PARN: variants seen among roughly 807,000 people sequenced by gnomAD.
The protein encoded by PARN is poly(A)-specific ribonuclease.
Under a neutral mutation model 102.8 loss-of-function variants are expected in PARN, and 71 were observed. The ratio of observed to expected loss-of-function variants is 0.69; its 90% CI spans 0.57 to 0.84. The LOEUF is 0.84. PARN is among the 40% of genes least tolerant of loss of function. The pLI is 0.00. For missense variants in PARN, 782 were observed against 760.9 expected, an observed-to-expected ratio of 1.03 and a Z score of -0.33; for synonymous variants, 261 against 252.9, an observed-to-expected ratio of 1.03 and a Z score of -0.30.
rs1185388930 is a variant in PARN, at chr16:14,482,811, T to G, written c.1497A>C (p.Lys499Asn). ...EQVKIAVNTSKYAESYRIQTY... is the reference protein window; with the variant it reads ...EQVKIAVNTSNYAESYRIQTY... The stretch of plus-strand genomic sequence containing the variant: ...TTTGGATCCGATAGCTTTCTGCATA[T>G]TTGCTGGTATTGACAGCTACAAGGA... The change falls in exon 22 of 24, where the codon AAA (lysine) becomes AAC (asparagine). Residue 499 changes from lysine (K) to asparagine (N), a missense_variant. Physicochemically the swap from Lys to Asn is moderately conservative, Grantham distance 94 (BLOSUM62 0). Transcript: ENST00000437198. 1.2e-5 allele frequency: 20 copies of G among 1,610,402 alleles called. No individual in the cohort carries two copies. Among genetic ancestry groups the G allele is most frequent in the Non-Finnish European group, 1.7e-5 (20 of 1,178,872 alleles).
At chr16:14,540,701 G>A (rs1315836788) in intron 21 of PARN, among the ~76,000 whole-genome samples, 1 of 152,164 alleles carries the variant, frequency 6.6e-6, no homozygotes, top group Non-Finnish European at 1.5e-5. Flanking sequence ...GCTGAGGCAG[G>A]CAGATTGCTG....
intron 23 of PARN, 90 bp from the exon 24 acceptor site, chr16:14,436,862 C>T: frequency 2.1e-6 from 2 of 933,260 alleles, no homozygotes; most frequent in Non-Finnish European, 3.4e-6. Context: ...GACAGAGGGC[C>T]TGTGACGGCT....
At chr16:14,519,254 G>A (rs1965612982) in intron 21 of PARN, among the ~76,000 whole-genome samples, 1 of 143,994 alleles carries the variant, frequency 6.9e-6, no homozygotes, top group Non-Finnish European at 1.5e-5. Context: ...AAAGAAAAGA[G>A]AGGGGCATGG....
chr16:14,553,111 T>TA (rs987499660), intron 20 of PARN, among the ~76,000 whole-genome samples: 3 of 148,586 alleles, frequency 2.0e-5, no homozygotes, highest in South Asian at 2.1e-4. Flanking sequence ...AATATCAATT[T>TA]AAAAAAAAAG....
Position 14,436,187 on chromosome 16 carries a change from A to C in PARN, c.*530T>G, listed in dbSNP as rs1451271404. 1 of 154,450 alleles carries C rather than the reference A, an allele frequency of 6.5e-6. No homozygotes were observed. The highest frequency in any genetic ancestry group is 1.4e-5 in the Non-Finnish European group (1 of 69,410). 9.6% of individuals were successfully genotyped at this position (154,450 alleles called of 1,614,324 possible). A position where few individuals can be genotyped will look rare whatever the true frequency, so the allele number is the denominator to read the frequency against. The stretch of plus-strand genomic sequence containing the variant: ...GTGGACATCTTCCTGAAGGAAGGAC[A>C]AGCTTGAGAGCGTCATGTTTTCAGG... On this transcript the variant is annotated 3_prime_UTR_variant, in exon 24 of 24. Coordinates refer to ENST00000437198, the MANE Select transcript of PARN (RefSeq NM_002582.4).
intron 23 of PARN, among the ~76,000 whole-genome samples, chr16:14,444,132 T>G (rs1349595113): frequency 1.3e-5 from 2 of 152,144 alleles, no homozygotes; most frequent in Non-Finnish European, 2.9e-5. Flanking sequence ...TATCCTGACC[T>G]ATATCCTGCT....
At chr16:14,546,921 C>A (rs1398331502) in intron 21 of PARN, among the ~76,000 whole-genome samples, 1 of 151,832 alleles carries the variant, frequency 6.6e-6, no homozygotes, top group East Asian at 1.9e-4. Flanking sequence ...GGTGAACCCT[C>A]GTCTCTACTA....
At chr16:14,441,221 TG>T (rs1431333640) in intron 23 of PARN, among the ~76,000 whole-genome samples, 3 of 152,304 alleles carry the variant, frequency 2.0e-5, no homozygotes, top group African/African-American at 7.2e-5. Flanking sequence ...AGTTGGGGGC[TG>T]GGGGCTTAAT....
At chr16:14,448,070 C>T (rs1053783036) in intron 22 of PARN, among the ~76,000 whole-genome samples, 4 of 152,136 alleles carry the variant, frequency 2.6e-5, no homozygotes, top group East Asian at 1.9e-4. Flanking sequence ...CTGTAGCCTC[C>T]GCCTCCCGGA....
intron 6 of PARN, among the ~76,000 whole-genome samples, chr16:14,613,345 G>T (rs1037216982): frequency 2.0e-5 from 3 of 150,514 alleles, no homozygotes; most frequent in Non-Finnish European, 4.4e-5. Flanking sequence ...ATGGGAGGCC[G>T]GGCGCCTGGC....
In PARN at chr16:14,552,021, C is replaced by T; in HGVS notation, c.1480G>A (p.Ala494Thr). 6.2e-7 allele frequency: 1 copy of T among 1,605,858 alleles called. No homozygotes were observed. ...CAAAACAGAAATCCAAAACACTTAC[C>T]AATCTTTACTTGCTCGGGCTGGCTA... ...SLSQPEQVKI[A>T]VNTSKYAESY... is the part of the protein sequence containing the mutation. Residue 494 changes from alanine (A) to threonine (T), a missense_variant and splice_region_variant, in exon 21 of 24, where the codon GCT becomes ACT. Ala to Thr is a moderately conservative substitution (Grantham distance 58, BLOSUM62 0). Coordinates refer to ENST00000437198, the MANE Select transcript of PARN (RefSeq NM_002582.4).
At chr16:14,553,662 A>C (rs1967471144) in intron 20 of PARN, among the ~76,000 whole-genome samples, 1 of 152,222 alleles carries the variant, frequency 6.6e-6, no homozygotes, top group Non-Finnish European at 1.5e-5. Flanking sequence ...TACACGTATC[A>C]CAAATCCTGA....
intron 12 of PARN, among the ~76,000 whole-genome samples, chr16:14,599,698 C>G (rs1456899442): frequency 6.6e-6 from 1 of 152,078 alleles, no homozygotes. Flanking sequence ...AGCAAGGCTC[C>G]CTGAAAATTG....
chr16:14,445,196 G>C (rs1412561558), intron 23 of PARN, among the ~76,000 whole-genome samples: 1 of 151,952 alleles, frequency 6.6e-6, no homozygotes, highest in East Asian at 1.9e-4. Flanking sequence ...TCAAGAGACA[G>C]CTAAAACATC....
intron 6 of PARN, among the ~76,000 whole-genome samples, chr16:14,611,537 T>C (rs917528458): frequency 6.6e-6 from 1 of 152,086 alleles, no homozygotes; most frequent in African/African-American, 2.4e-5. Flanking sequence ...GTCAGCAAAC[T>C]TTTTCTTTGT....
chr16:14,598,383 A>G (rs1379232843), intron 12 of PARN, among the ~76,000 whole-genome samples: 3 of 152,204 alleles, frequency 2.0e-5, no homozygotes, highest in African/African-American at 4.8e-5. Context: ...CCGAATGTGT[A>G]TAAGACAAAC....
In PARN at chr16:14,593,309, G is replaced by T. The variant is rs912615648; in HGVS notation, c.910C>A (p.Leu304Met). Residue 304 changes from leucine to methionine, a missense_variant, in exon 13 of 24, where the codon CTG (leucine) becomes ATG (methionine). Leu to Met is a conservative substitution (Grantham distance 15). Coordinates refer to ENST00000437198, the MANE Select transcript of PARN (RefSeq NM_002582.4). ...ACCAACAGGTCACTTACCGCAGGCA[G>T]AGGGCAGTAGAACTGATGAACTGTG... ...MHTVHQFYCP[L>M]PADLSEFKEM... 6.4e-7 allele frequency: 1 copy of T among 1,573,066 alleles called. No homozygotes were observed. Among genetic ancestry groups the T allele is most frequent in the Non-Finnish European group, 8.7e-7 (1 of 1,142,896 alleles).
chr16:14,516,515 A>C (rs1244243984), intron 21 of PARN, among the ~76,000 whole-genome samples: 1 of 152,278 alleles, frequency 6.6e-6, no homozygotes, highest in Non-Finnish European at 1.5e-5. Context: ...AAAAAAAGTC[A>C]GATTGCCATC....
chr16:14,495,861 G>A (rs1038145649), intron 21 of PARN, among the ~76,000 whole-genome samples: 1 of 152,120 alleles, frequency 6.6e-6, no homozygotes, highest in Non-Finnish European at 1.5e-5. Context: ...TTGTGAATCT[G>A]GGGGCAGGAA....
Sources: allele counts gnomAD v4.1 joint callset (sites outside exome capture counted in the v4.1 genomes callset), GRCh38; gene constraint gnomAD v4.1.1; transcripts MANE v1.5; gene names NCBI Gene and HGNC (gene_info 2026-07-23, HGNC 2026-07-21).